Variants in BSN observed in about 807,000 individuals in gnomAD.
The protein encoded by BSN is protein bassoon.
BSN carries 57 observed loss-of-function variants against 264.8 expected under a neutral mutation model. The ratio of observed to expected loss-of-function variants is 0.22; its 90% CI spans 0.17 to 0.27. BSN has a LOEUF of 0.27. BSN is among the 10% of genes least tolerant of loss of function. The pLI is 1.00. For missense variants in BSN, 4,615 were observed against 5,232.5 expected (o/e 0.88, Z 3.64); for synonymous variants, 2,059 against 2,137.3 (o/e 0.96, Z 1.01).
At chr3:49,635,054 T>C (rs1575443497) in intron 2 of BSN, among the ~76,000 whole-genome samples, 1 of 152,102 alleles carries the variant, frequency 6.6e-6, no homozygotes, top group East Asian at 1.9e-4. Context: ...TTTGGGTGGC[T>C]AAACAGACAG....
chr3:49,656,227 T>C lies in BSN; in HGVS notation c.6671T>C (p.Met2224Thr), dbSNP rs758185342. ...SVLRPMVRGGMYRPYASGGIT... is the reference protein window; with the variant it reads ...SVLRPMVRGGTYRPYASGGIT... The stretch of plus-strand genomic sequence containing the variant: ...CTGCGGCCCATGGTGCGTGGTGGCA[T>C]GTACAGGCCTTACGCATCTGGTGGA... Residue 2224 changes from methionine (M) to threonine (T), a missense_variant, in exon 5 of 12, where the codon ATG becomes ACG. By Grantham distance (81) the Met-to-Thr change is moderately conservative. Around this residue, in one of 3 missense-constraint regions of BSN, gnomAD observed 3,415 missense variants for 3,866.4 expected, o/e 0.88. Transcript: ENST00000296452. 3.7e-6 allele frequency: 6 copies of C among 1,610,398 alleles called. No individual in the cohort carries two copies. The Admixed American group carries it at 6.7e-5, about 18-fold the overall frequency.
At chr3:49,664,032 C>A in intron 8 of BSN, 146 bp downstream of exon 8, 2 of 798,498 alleles carry the variant, frequency 2.5e-6, no homozygotes, top group Non-Finnish European at 4.0e-6. Flanking sequence ...ACCTCCCCAG[C>A]AGAAAACAAG....
chr3:49,566,679 G>A (rs1013400880), intron 1 of BSN, among the ~76,000 whole-genome samples: 3 of 151,776 alleles, frequency 2.0e-5, no homozygotes, highest in African/African-American at 4.8e-5. Context: ...CCAGCTACTC[G>A]GGAGGCTGAG....
rs1490717093 is a variant in BSN, at chr3:49,667,935, G to A, written c.*450G>A. On this transcript the variant is annotated 3_prime_UTR_variant, in exon 12 of 12. Transcript: ENST00000296452. ...TTTGGGCACACACTGCCCTCCCTCC[G>A]AGATGCCAGAAGTTTTTCCACAGCC... The A allele has an allele frequency of 6.6e-6, 1 of 152,562 alleles. No homozygotes were observed. The highest frequency in any genetic ancestry group is 1.5e-5 in the Non-Finnish European group (1 of 68,042). 9.5% of individuals were successfully genotyped at this position (152,562 alleles called of 1,614,324 possible).
At position 49,570,180 on chromosome 3, in the gene BSN, C is replaced by T. The variant is rs528110367; in HGVS notation, c.224+15354C>T. On this transcript the variant is annotated intron_variant, in intron 1 of 11. Transcript: ENST00000296452. Reference sequence around the variant, plus strand: ...AAAGCACTTTTTGCAAATGATGGTACTTAGCACTGATTGCCTGGCAGCCTA... The same window carrying T: ...AAAGCACTTTTTGCAAATGATGGTATTTAGCACTGATTGCCTGGCAGCCTA... Among the ~76,000 whole-genome samples the T allele has an allele frequency of 3.9e-5, 6 of 152,288 alleles. No homozygotes were observed. The East Asian group carries it at 1.2e-3, about 29-fold the overall frequency.
At chr3:49,558,857 A>C (rs2051692892) in intron 1 of BSN, among the ~76,000 whole-genome samples, 1 of 152,184 alleles carries the variant, frequency 6.6e-6, no homozygotes, top group African/African-American at 2.4e-5. Flanking sequence ...AAGACTAATA[A>C]GGTGCTGTTG....
chr3:49,664,444 C>T lies in BSN; in HGVS notation c.11630C>T (p.Pro3877Leu). The T allele has an allele frequency of 2.5e-6, 4 of 1,613,736 alleles. No individual in the cohort carries two copies. The Middle Eastern group carries it at 6.6e-4, about 266-fold the overall frequency. The change falls in exon 9 of 12, where the codon CCT becomes CTT. Residue 3877 changes from proline (P) to leucine (L), a missense_variant. Transcript: ENST00000296452. ...GPAGVKAGAR[P>L]GGTPGAPAGQ... is the part of the protein sequence containing the mutation. The stretch of plus-strand genomic sequence containing the variant: ...CTAGGTGTGAAGGCTGGAGCCAGGC[C>T]TGGAGGAACCCCAGGGGCTCCCGCC...
In BSN at chr3:49,653,203, C is replaced by G; in HGVS notation, c.3647C>G (p.Ser1216Cys). The G allele has an allele frequency of 1.2e-6, 2 of 1,611,032 alleles. No individual in the cohort carries two copies. Among genetic ancestry groups the G allele is most frequent in the South Asian group, 2.2e-5 (2 of 90,982 alleles). The change falls in exon 5 of 12, where the codon TCT (serine) becomes TGT (cysteine). Residue 1216 changes from serine (S) to cysteine (C), a missense_variant. By Grantham distance (112) the Ser-to-Cys change is moderately radical. This residue lies in a region of BSN where 3,415 missense variants were observed against 3,866.4 expected (regional missense o/e 0.88). Transcript: ENST00000296452. The surrounding 1 kb of genome is among the most constrained non-coding windows in gnomAD (Gnocchi z 6.3). ...AGARGPHGGP[S>C]QPTGPRGLGS... ...GCCCGGGGACCCCATGGCGGCCCCT[C>G]TCAGCCCACAGGCCCCCGGGGCCTG...
At chr3:49,584,070 A>T (rs1365801495) in intron 1 of BSN, among the ~76,000 whole-genome samples, 2 of 151,878 alleles carry the variant, frequency 1.3e-5, no homozygotes, top group African/African-American at 4.8e-5. Context: ...TATTTTTAGT[A>T]GAGACGGGGT....
chr3:49,593,576 T>C (rs190472507), intron 1 of BSN, among the ~76,000 whole-genome samples: 1 of 152,322 alleles, frequency 6.6e-6, no homozygotes, highest in Admixed American at 6.5e-5. Context: ...TTTTTCATTT[T>C]AGTTATCATT....
intron 1 of BSN, among the ~76,000 whole-genome samples, chr3:49,612,205 G>A (rs4855851): frequency 1.3e-5 from 2 of 149,934 alleles, no homozygotes; most frequent in South Asian, 4.2e-4. Flanking sequence ...GTGCAATCTC[G>A]GCTCACTGCA....
chr3:49,659,992 G>A (rs755341165), intron 5 of BSN, among the ~76,000 whole-genome samples: 24 of 152,064 alleles, frequency 1.6e-4, no homozygotes, highest in Non-Finnish European at 3.4e-4. Context: ...CAATCTACAT[G>A]TGTCCCTTCC....
At chr3:49,606,163 T>G (rs1275262700) in intron 1 of BSN, among the ~76,000 whole-genome samples, 3 of 36,784 alleles carry the variant, frequency 8.2e-5, no homozygotes, top group Admixed American at 5.7e-4. Flanking sequence ...ATATTATATA[T>G]ACATATATTA....
rs761663390 is a variant in BSN, at chr3:49,554,785, TGGCCCCGGCCCC to T, written c.192_203del (p.Pro71_Gly74del). On this transcript the variant is annotated inframe_deletion, in exon 1 of 12. Coordinates refer to ENST00000296452, the MANE Select transcript of BSN (RefSeq NM_003458.4). Reference sequence around the variant, plus strand: ...GGTCGACCGCGGTACCACCGGTCCCTGGCCCCGGCCCCGGCCCCGGTCCCGGCCCTGGCCCGG... The same window carrying T: ...GGTCGACCGCGGTACCACCGGTCCCTGGCCCCGGTCCCGGCCCTGGCCCGG... The T allele has an allele frequency of 6.6e-5, 80 of 1,211,398 alleles. 1 individual carries two copies. The Admixed American group carries it at 1.1e-3, about 17-fold the overall frequency. The allele number at this position is 1,211,398 out of a possible 1,614,324, so 75.0% of individuals were successfully genotyped here.
chr3:49,642,170 C>CTAGG lies in BSN; in HGVS notation c.634-97_634-94dup. 1 of 996,330 alleles carries CTAGG rather than the reference C, an allele frequency of 1.0e-6. No homozygotes were observed. 61.7% of individuals were successfully genotyped at this position (996,330 alleles called of 1,614,324 possible). A position where few individuals can be genotyped will look rare whatever the true frequency, so the allele number is the denominator to read the frequency against. Reference sequence around the variant, plus strand: ...GCAGGGCTTGGTGCTCCTGCCTGTGCTAGGAGTGGCCTTGGCTGCTGTGGG... The same window carrying CTAGG: ...GCAGGGCTTGGTGCTCCTGCCTGTGCTAGGTAGGAGTGGCCTTGGCTGCTGTGGG... On this transcript the variant is annotated intron_variant, in intron 2 of 11. Transcript: ENST00000296452. This position sits in a 1 kb window ranked among gnomAD's most constrained non-coding sequence, Gnocchi z 7.0.
chr3:49,630,702 A>G (rs1466833620), intron 2 of BSN, among the ~76,000 whole-genome samples: 1 of 152,266 alleles, frequency 6.6e-6, no homozygotes, highest in African/African-American at 2.4e-5. Flanking sequence ...TTTTACTCCT[A>G]AAACACTTGT....
At chr3:49,672,896 C>T (rs564679275), downstream of BSN, among the ~76,000 whole-genome samples, 4 of 151,040 alleles carry the variant, frequency 2.6e-5, no homozygotes, top group African/African-American at 9.7e-5. Context: ...TCTCCTGCCT[C>T]AGCCTCCCGA....
intron 1 of BSN, among the ~76,000 whole-genome samples, chr3:49,609,397 G>T (rs183175738): frequency 6.6e-6 from 1 of 151,752 alleles, no homozygotes; most frequent in African/African-American, 2.4e-5. Flanking sequence ...GCCACCACAC[G>T]CTTGGCCTGA....
intron 1 of BSN, among the ~76,000 whole-genome samples, chr3:49,587,829 CT>C (rs2051947281): frequency 6.6e-6 from 1 of 151,998 alleles, no homozygotes; most frequent in Non-Finnish European, 1.5e-5. Flanking sequence ...TGTTTCTCAT[CT>C]GCCATGCAAA....
Sources: gnomAD v4.1 joint callset for allele counts (sites outside exome capture counted in the v4.1 genomes callset) on GRCh38, gnomAD v4.1.1 for gene constraint, gnomAD v4.1.1 regional missense constraint, Gnocchi (gnomAD v3.1) non-coding constraint, MANE v1.5 for transcripts, NCBI Gene and HGNC (gene_info 2026-07-23, HGNC 2026-07-21) for gene names.